NCALD: variants seen among roughly 807,000 people sequenced by gnomAD.
NCALD encodes neurocalcin delta.
NCALD carries 10 observed loss-of-function variants against 18.6 expected under a neutral mutation model. That is an observed-to-expected ratio of 0.54 (90% CI 0.33 to 0.91). The LOEUF is 0.91. NCALD is among the 40% of genes least tolerant of loss of function. NCALD has a pLI of 0.03. For missense variants in NCALD, 184 were observed against 247.6 expected (o/e 0.74, Z 1.72); for synonymous variants, 88 against 87.4 (o/e 1.01, Z -0.04).
At chr8:101,724,706 G>C (rs1010004630) in intron 1 of NCALD, among the ~76,000 whole-genome samples, 3 of 152,176 alleles carry the variant, frequency 2.0e-5, no homozygotes, top group Admixed American at 6.5e-5. Context: ...AGGCAGGCAG[G>C]CTTTCTCTAT....
intron 4 of NCALD, chr8:101,852,802 T>C (rs1014926719): frequency 3.3e-5 from 5 of 152,202 alleles, no homozygotes; most frequent in Non-Finnish European, 7.3e-5. Flanking sequence ...TGCTTGTTGC[T>C]CAGCTGTTGT....
intron 1 of NCALD, among the ~76,000 whole-genome samples, chr8:102,089,500 T>TGC (rs1341735174): frequency 6.6e-6 from 1 of 152,114 alleles, no homozygotes; most frequent in Admixed American, 6.5e-5. Context: ...GTTGTGTGTG[T>TGC]GGTGTTTACA....
intron 3 of NCALD, chr8:101,690,965 G>A (rs1364995898): frequency 1.0e-6 from 1 of 985,346 alleles, no homozygotes; most frequent in Admixed American, 6.1e-5. Flanking sequence ...CTGTCTGCAT[G>A]ATTCAGAGTT....
At chr8:102,029,816 C>CAAGTCCTTCT (rs1416284977) in intron 1 of NCALD, among the ~76,000 whole-genome samples, 6 of 152,182 alleles carry the variant, frequency 3.9e-5, no homozygotes, top group Admixed American at 3.9e-4. Flanking sequence ...CGCTTTAATG[C>CAAGTCCTTCT]AAGTCCTTCT....
At chr8:101,794,082 C>T (rs1237332352), upstream of NCALD, among the ~76,000 whole-genome samples, 3 of 152,180 alleles carry the variant, frequency 2.0e-5, no homozygotes, top group African/African-American at 7.2e-5. Flanking sequence ...GTCCTCTGAG[C>T]TGCAGTACCT....
At chr8:101,691,374 C>T (rs1814722818) in intron 3 of NCALD, 1 of 985,280 alleles carries the variant, frequency 1.0e-6, no homozygotes, top group African/African-American at 1.7e-5. Context: ...AGTCAGGGCT[C>T]TGCAATCCCA....
intron 4 of NCALD, among the ~76,000 whole-genome samples, chr8:101,869,251 C>A (rs1017307694): frequency 3.3e-5 from 5 of 152,100 alleles, no homozygotes; most frequent in Non-Finnish European, 5.9e-5. Context: ...TCTGGACAGG[C>A]CCAATGTAAT....
chr8:102,021,527 T>C (rs1348268371), intron 1 of NCALD, among the ~76,000 whole-genome samples: 1 of 152,198 alleles, frequency 6.6e-6, no homozygotes, highest in East Asian at 1.9e-4. Context: ...GTGAAATAAA[T>C]TGGCTTACGT....
chr8:101,944,280 A>G (rs1586799971), intron 2 of NCALD, among the ~76,000 whole-genome samples: 1 of 152,240 alleles, frequency 6.6e-6, no homozygotes, highest in East Asian at 1.9e-4. Flanking sequence ...ACCTAAAGGT[A>G]GTTTTCACAG....
intron 1 of NCALD, among the ~76,000 whole-genome samples, chr8:102,034,036 A>G (rs527603967): frequency 6.6e-6 from 1 of 152,014 alleles, no homozygotes; most frequent in Admixed American, 6.6e-5. Context: ...ACACACACAC[A>G]CACACACACA....
chr8:101,931,259 G>A (rs1818561333), intron 2 of NCALD, among the ~76,000 whole-genome samples: 1 of 152,208 alleles, frequency 6.6e-6, no homozygotes, highest in Admixed American at 6.5e-5. Context: ...AAAGAACATG[G>A]TTAATGATCT....
intron 3 of NCALD, among the ~76,000 whole-genome samples, chr8:101,914,678 C>T (rs916663384): frequency 6.6e-5 from 10 of 152,170 alleles, no homozygotes; most frequent in Non-Finnish European, 1.3e-4. Flanking sequence ...TTTCTTTGCT[C>T]AAATTTTCCA....
Position 101,813,711 on chromosome 8 carries a change from C to G in NCALD, c.-20+73430G>C, listed in dbSNP as rs112139840. 5.7e-3 allele frequency among the ~76,000 whole-genome samples: 869 copies of G among 152,196 alleles called. 11 individuals carry two copies. Among genetic ancestry groups the G allele is most frequent in the African/African-American group, 0.018 (764 of 41,534 alleles). The stretch of plus-strand genomic sequence containing the variant: ...ATGGAAGGCTTGAATGACATCACAT[C>G]ATCACCCTCAGAAAATAGAACATCT... On this transcript the variant is annotated intron_variant, in intron 4 of 6. Transcript: ENST00000311028.
chr8:101,931,862 C>T (rs891216556), intron 2 of NCALD, among the ~76,000 whole-genome samples: 15 of 152,082 alleles, frequency 9.9e-5, no homozygotes, highest in Admixed American at 6.5e-4. Context: ...AGAGGCTTGG[C>T]TAGGGAGCAA....
intron 4 of NCALD, among the ~76,000 whole-genome samples, chr8:101,841,962 C>A (rs1158261337): frequency 6.6e-6 from 1 of 152,138 alleles, no homozygotes; most frequent in Non-Finnish European, 1.5e-5. Context: ...CTCAGCAGGG[C>A]TCCCATAACA....
intron 4 of NCALD, among the ~76,000 whole-genome samples, chr8:101,813,732 C>T (rs573415399): frequency 6.6e-6 from 1 of 152,162 alleles, no homozygotes; most frequent in African/African-American, 2.4e-5. Flanking sequence ...GAAAATAGAA[C>T]ATCTGCAGAA....
At chr8:101,916,525 A>G (rs1235191929) in intron 2 of NCALD, among the ~76,000 whole-genome samples, 1 of 152,162 alleles carries the variant, frequency 6.6e-6, no homozygotes, top group Non-Finnish European at 1.5e-5. Flanking sequence ...ACATATCACT[A>G]TTACTTGAAT....
At chr8:101,831,866 G>A (rs578253746) in intron 4 of NCALD, among the ~76,000 whole-genome samples, 10 of 152,272 alleles carry the variant, frequency 6.6e-5, no homozygotes, top group Admixed American at 2.0e-4. Flanking sequence ...CCAAATTCCC[G>A]ATGCCCCCAG....
At chr8:102,097,384 C>T (rs1825136388) in intron 1 of NCALD, among the ~76,000 whole-genome samples, 1 of 152,206 alleles carries the variant, frequency 6.6e-6, no homozygotes, top group Non-Finnish European at 1.5e-5. Flanking sequence ...AGGGTCCTTA[C>T]TCACAACCAA....
Sources: allele counts gnomAD v4.1 joint callset (sites outside exome capture counted in the v4.1 genomes callset), GRCh38; gene constraint gnomAD v4.1.1; transcripts MANE v1.5; gene names NCBI Gene and HGNC (gene_info 2026-07-23, HGNC 2026-07-21).